Variants in INSYN2B observed in about 807,000 individuals in gnomAD.
INSYN2B encodes the protein inhibitory synaptic factor family member 2B, also known as protein INSYN2B.
A neutral mutation model predicts 41.2 loss-of-function variants in INSYN2B; 16 were observed. The observed-to-expected ratio is 0.39, with a 90% confidence interval of 0.26 to 0.59. The LOEUF (loss-of-function observed/expected upper bound fraction) is 0.59. Among genes scored for constraint, INSYN2B ranks in the 20% least tolerant of loss-of-function variants. INSYN2B has a pLI of 0.57. For synonymous variants in INSYN2B, 245 were observed against 244.4 expected (o/e 1.00, Z -0.02); for missense variants, 608 against 646.4 (o/e 0.94, Z 0.64).
intron 1 of INSYN2B, among the ~76,000 whole-genome samples, chr5:169,979,560 C>G (rs1294789623): frequency 6.6e-6 from 1 of 152,168 alleles, no homozygotes; most frequent in Non-Finnish European, 1.5e-5. Context: ...TTCAGGTTAT[C>G]AATCATTCAC....
chr5:169,943,827 C>T (rs947596508), intron 1 of INSYN2B, among the ~76,000 whole-genome samples: 6 of 152,164 alleles, frequency 3.9e-5, no homozygotes, highest in East Asian at 3.9e-4. Flanking sequence ...GTGACTCTGA[C>T]GCTCATTAAG....
At chr5:169,918,071 T>A (rs1235624710) in intron 1 of INSYN2B, among the ~76,000 whole-genome samples, 2 of 152,192 alleles carry the variant, frequency 1.3e-5, no homozygotes, top group Non-Finnish European at 2.9e-5. Flanking sequence ...TATTCTACCC[T>A]TCCTATTTTG....
intron 1 of INSYN2B, among the ~76,000 whole-genome samples, chr5:169,969,948 A>C (rs1306707599): frequency 2.6e-5 from 4 of 152,238 alleles, no homozygotes; most frequent in Non-Finnish European, 5.9e-5. Flanking sequence ...ATTGTTGACA[A>C]CAAATTCAAA....
chr5:169,923,002 C>T (rs555070884), intron 1 of INSYN2B, among the ~76,000 whole-genome samples: 1 of 152,216 alleles, frequency 6.6e-6, no homozygotes, highest in Non-Finnish European at 1.5e-5. Flanking sequence ...GTCCCACAGA[C>T]AGATATAATT....
At chr5:169,932,907 A>C (rs577193301) in intron 1 of INSYN2B, among the ~76,000 whole-genome samples, 1 of 152,270 alleles carries the variant, frequency 6.6e-6, no homozygotes, top group Non-Finnish European at 1.5e-5. Context: ...CCAATCCTGC[A>C]TCCTCAAACT....
intron 1 of INSYN2B, among the ~76,000 whole-genome samples, chr5:169,972,942 T>C (rs1777577147): frequency 6.6e-6 from 1 of 152,116 alleles, no homozygotes; most frequent in Admixed American, 6.5e-5. Context: ...TCCTAGTACC[T>C]GAGTGTGCTG....
chr5:169,912,570 C>T (rs1774658268), intron 1 of INSYN2B, among the ~76,000 whole-genome samples: 1 of 152,048 alleles, frequency 6.6e-6, no homozygotes, highest in Non-Finnish European at 1.5e-5. Context: ...CACTTAAAAC[C>T]ATTACGTTGT....
intron 1 of INSYN2B, among the ~76,000 whole-genome samples, chr5:169,958,596 G>A (rs1776958792): frequency 7.0e-6 from 1 of 143,442 alleles, no homozygotes; most frequent in Admixed American, 7.0e-5. Context: ...TTTTTTTTTG[G>A]TATAAATTTA....
chr5:169,965,049 G>T (rs1194909329), intron 1 of INSYN2B, among the ~76,000 whole-genome samples: 2 of 152,200 alleles, frequency 1.3e-5, no homozygotes, highest in Non-Finnish European at 2.9e-5. Flanking sequence ...AACATCTGTT[G>T]AAGCCCTACT....
intron 1 of INSYN2B, among the ~76,000 whole-genome samples, chr5:169,888,702 C>T (rs573472731): frequency 1.3e-5 from 2 of 152,198 alleles, no homozygotes; most frequent in African/African-American, 4.8e-5. Context: ...TGACTTGGAA[C>T]AAGTGACTTG....
At chr5:169,932,142 T>C (rs747303503) in intron 1 of INSYN2B, among the ~76,000 whole-genome samples, 1 of 152,130 alleles carries the variant, frequency 6.6e-6, no homozygotes, top group Non-Finnish European at 1.5e-5. Flanking sequence ...TAAGAGCATA[T>C]GATGGAGGTG....
At position 169,864,173 on chromosome 5, in the gene INSYN2B, AG is replaced by A. The variant is rs981322040; in HGVS notation, c.*99del. On this transcript the variant is annotated 3_prime_UTR_variant, in exon 4 of 4. Transcript: ENST00000377365. ...TCACAGGCCAAGGGGCTCACAGCCC[AG>A]GGCCTTTGCAAAGAAGCAGGGCAGG... The A allele has an allele frequency of 1.0e-5, 11 of 1,078,610 alleles. No homozygotes were observed. In the African/African-American group the frequency reaches 1.1e-4, roughly 11 times the overall value. The allele number at this position is 1,078,610 out of a possible 1,614,324, so 66.8% of individuals were successfully genotyped here.
At chr5:169,894,168 C>G (rs1363782789) in intron 1 of INSYN2B, among the ~76,000 whole-genome samples, 1 of 152,124 alleles carries the variant, frequency 6.6e-6, no homozygotes, top group Admixed American at 6.5e-5. Context: ...ACAAGTTTTG[C>G]CAAGACTAGG....
intron 1 of INSYN2B, among the ~76,000 whole-genome samples, chr5:169,889,100 G>A (rs1450329250): frequency 6.6e-6 from 1 of 152,024 alleles, no homozygotes; most frequent in African/African-American, 2.4e-5. Context: ...ACACAGAGAG[G>A]GTCTTATATA....
intron 2 of INSYN2B, among the ~76,000 whole-genome samples, chr5:169,882,077 G>A (rs1006760839): frequency 5.9e-5 from 9 of 152,138 alleles, no homozygotes; most frequent in South Asian, 2.1e-4. Flanking sequence ...GGGCCAGCCC[G>A]TCATCAAAGT....
At chr5:169,944,729 G>T (rs993453057) in intron 1 of INSYN2B, among the ~76,000 whole-genome samples, 3 of 152,232 alleles carry the variant, frequency 2.0e-5, no homozygotes, top group Non-Finnish European at 4.4e-5. Context: ...GCTCTCACCA[G>T]TGCTAGGAAC....
chr5:169,902,783 C>T (rs1162520668), intron 1 of INSYN2B, among the ~76,000 whole-genome samples: 1 of 152,130 alleles, frequency 6.6e-6, no homozygotes, highest in Non-Finnish European at 1.5e-5. Flanking sequence ...CCAGAGCCCA[C>T]AGAGTAGTGA....
intron 1 of INSYN2B, among the ~76,000 whole-genome samples, chr5:169,950,111 G>T (rs1220262389): frequency 6.6e-6 from 1 of 152,178 alleles, no homozygotes; most frequent in Non-Finnish European, 1.5e-5. Flanking sequence ...GTAGATGGTG[G>T]TGGCCTTTCT....
At chr5:169,909,447 T>C (rs1774471578) in intron 1 of INSYN2B, among the ~76,000 whole-genome samples, 1 of 152,354 alleles carries the variant, frequency 6.6e-6, no homozygotes, top group Non-Finnish European at 1.5e-5. Flanking sequence ...AAGTTTTTTC[T>C]TTTTGAAGAA....
Sources: allele counts gnomAD v4.1 joint callset (sites outside exome capture counted in the v4.1 genomes callset), GRCh38; gene constraint gnomAD v4.1.1; transcripts MANE v1.5; gene names NCBI Gene and HGNC (gene_info 2026-07-23, HGNC 2026-07-21).